DPP6: variants seen among roughly 807,000 people sequenced by gnomAD.
DPP6 encodes the protein dipeptidyl peptidase like 6.
Under a neutral mutation model 122.6 loss-of-function variants are expected in DPP6, and 69 were observed. That is an observed-to-expected ratio of 0.56 (90% CI 0.46 to 0.69). The LOEUF is 0.69. Among genes scored for constraint, DPP6 ranks in the 30% least tolerant of loss-of-function variants. The pLI, the probability that DPP6 is intolerant of heterozygous loss-of-function variation, is 0.00. For missense variants in DPP6, 928 were observed against 1,116.9 expected (o/e 0.83, Z 2.41); for synonymous variants, 418 against 433.1 (o/e 0.97, Z 0.43).
intron 1 of DPP6, among the ~76,000 whole-genome samples, chr7:154,097,384 C>T (rs1326784879): frequency 6.6e-6 from 1 of 152,342 alleles, no homozygotes; most frequent in Non-Finnish European, 1.5e-5. Flanking sequence ...TCCACTCTCC[C>T]GCCGTGCTGC....
At chr7:154,579,354 TAAAAA>T (rs1159448877) in intron 5 of DPP6, among the ~76,000 whole-genome samples, 2 of 151,530 alleles carry the variant, frequency 1.3e-5, no homozygotes, top group Non-Finnish European at 1.5e-5. Context: ...CGTCTCAAAA[TAAAAA>T]AGAAAAGAAA....
intron 1 of DPP6, among the ~76,000 whole-genome samples, chr7:153,928,395 C>CTTTTTTTTTTTTTTTTTTTTTT (rs1467865041): frequency 2.3e-4 from 7 of 30,000 alleles, no homozygotes; most frequent in Admixed American, 4.4e-4. Flanking sequence ...TCTTTTCTTT[C>CTTTTTTTTTTTTTTTTTTTTTT]ATTTTTTTTT....
At chr7:154,670,050 G>A (rs1258516562) in intron 7 of DPP6, among the ~76,000 whole-genome samples, 10 of 152,172 alleles carry the variant, frequency 6.6e-5, no homozygotes, top group Non-Finnish European at 1.5e-4. Flanking sequence ...AGTAGAGACA[G>A]GGTTTCACTA....
intron 1 of DPP6, among the ~76,000 whole-genome samples, chr7:154,238,887 A>G (rs1286707334): frequency 4.6e-5 from 7 of 152,372 alleles, no homozygotes; most frequent in Non-Finnish European, 1.0e-4. Context: ...AGTTAACAAC[A>G]GATCGGGCTT....
chr7:154,005,948 C>CT (rs1213943506), intron 1 of DPP6, among the ~76,000 whole-genome samples: 1 of 152,268 alleles, frequency 6.6e-6, no homozygotes, highest in South Asian at 2.1e-4. Flanking sequence ...CCGTGAGGGA[C>CT]TTTTTTCCTG....
At chr7:154,717,546 C>A (rs1314946488) in intron 7 of DPP6, among the ~76,000 whole-genome samples, 1 of 152,260 alleles carries the variant, frequency 6.6e-6, no homozygotes, top group Non-Finnish European at 1.5e-5. Context: ...CCTCTAGGTT[C>A]ATCCATGCTG....
chr7:154,063,296 CAT>C (rs1802328133), intron 1 of DPP6, among the ~76,000 whole-genome samples: 2 of 121,978 alleles, frequency 1.6e-5, no homozygotes. Flanking sequence ...AGGGACCCCC[CAT>C]GAGGCGGGGA....
At chr7:154,447,358 GATAAAACAGTATGTAACT>G (rs1304791406) in intron 2 of DPP6, among the ~76,000 whole-genome samples, 6 of 152,010 alleles carry the variant, frequency 3.9e-5, no homozygotes, top group African/African-American at 1.5e-4. Flanking sequence ...TGTGGCCATA[GATAAAACAGTATGTAACT>G]GTTTTATCCG....
At position 154,616,169 on chromosome 7, in the gene DPP6, G is replaced by A. The variant is rs544925654; in HGVS notation, c.628-21652G>A. Among the ~76,000 whole-genome samples the A allele has an allele frequency of 9.9e-5, 15 of 152,162 alleles. No homozygotes were observed. In the South Asian group the frequency reaches 1.7e-3, roughly 17 times the overall value. On this transcript the variant is annotated intron_variant, in intron 5 of 25. Transcript: ENST00000377770. ...AGTCAGTCACCCCACTGAAAAGCCC[G>A]CCTACCCATGAGCTTGGGAAGCCCT...
chr7:154,843,627 C>T (rs531907211), intron 16 of DPP6, among the ~76,000 whole-genome samples: 6 of 152,256 alleles, frequency 3.9e-5, no homozygotes, highest in South Asian at 2.1e-4. Flanking sequence ...CTCTAAGAGC[C>T]GAGTGCAGTA....
At chr7:154,156,123 A>T (rs1420066968) in intron 1 of DPP6, among the ~76,000 whole-genome samples, 4 of 152,040 alleles carry the variant, frequency 2.6e-5, no homozygotes, top group Non-Finnish European at 4.4e-5. Context: ...TGAGTCAACC[A>T]GATGCCCTGA....
intron 1 of DPP6, among the ~76,000 whole-genome samples, chr7:154,264,691 G>A (rs1004325154): frequency 1.1e-4 from 16 of 152,166 alleles, no homozygotes; most frequent in Non-Finnish European, 2.2e-4. Context: ...TGGTGTTGAT[G>A]ATGATGGTGA....
chr7:153,916,754 C>G (rs1800345132), intron 1 of DPP6, among the ~76,000 whole-genome samples: 1 of 152,092 alleles, frequency 6.6e-6, no homozygotes, highest in South Asian at 2.1e-4. Context: ...ACATTTGGGT[C>G]ACACTGGTGC....
At chr7:154,534,893 C>T (rs905130973) in intron 3 of DPP6, among the ~76,000 whole-genome samples, 3 of 151,940 alleles carry the variant, frequency 2.0e-5, no homozygotes, top group Non-Finnish European at 2.9e-5. Flanking sequence ...ATACAAAGGA[C>T]CTAAACTATC....
intron 1 of DPP6, among the ~76,000 whole-genome samples, chr7:153,920,563 CT>C (rs61553100): frequency 2.9e-4 from 26 of 88,686 alleles, no homozygotes; most frequent in African/African-American, 7.9e-4. Context: ...TTATCTCTCT[CT>C]TTTTTTTTTT....
chr7:154,168,448 C>T (rs1172508336), intron 1 of DPP6, among the ~76,000 whole-genome samples: 1 of 152,212 alleles, frequency 6.6e-6, no homozygotes, highest in Non-Finnish European at 1.5e-5. Context: ...ATTTGTAGTT[C>T]TGAGCCACAG....
In DPP6 at chr7:154,483,166, C is replaced by T. The variant is rs751681810; in HGVS notation, c.457+8129C>T. ...GGAGGCAGGAGGAGAACTTCTACCA[C>T]GCCACGTCAAAGTCAAGGCAGGAGA... On this transcript the variant is annotated intron_variant, in intron 3 of 25. Coordinates refer to ENST00000377770, the MANE Select transcript of DPP6 (RefSeq NM_130797.4). This position sits in a 1 kb window ranked among gnomAD's most constrained non-coding sequence, Gnocchi z 8.1. Among the ~76,000 whole-genome samples, 10 of 151,974 alleles carry T rather than the reference C, an allele frequency of 6.6e-5. No homozygotes were observed. The East Asian group carries it at 7.8e-4, about 12-fold the overall frequency.
At chr7:154,477,531 CA>C (rs34335151) in intron 3 of DPP6, among the ~76,000 whole-genome samples, 6 of 149,014 alleles carry the variant, frequency 4.0e-5, no homozygotes, top group East Asian at 4.0e-4. Context: ...CATTCCATGC[CA>C]AAAAAAAAAA....
chr7:154,060,001 C>G (rs541620838), intron 1 of DPP6, among the ~76,000 whole-genome samples: 1 of 152,020 alleles, frequency 6.6e-6, no homozygotes, highest in Admixed American at 6.5e-5. Context: ...GCTGTTGGGA[C>G]CCGCATCGCG....
Sources: allele counts gnomAD v4.1 joint callset (sites outside exome capture counted in the v4.1 genomes callset), GRCh38; gene constraint gnomAD v4.1.1; non-coding constraint Gnocchi (gnomAD v3.1); transcripts MANE v1.5; gene names NCBI Gene and HGNC (gene_info 2026-07-23, HGNC 2026-07-21).